Variants in RASEF observed in about 807,000 individuals in gnomAD.
The protein encoded by RASEF is ras and EF-hand domain-containing protein.
Under a neutral mutation model 90.1 loss-of-function variants are expected in RASEF, and 68 were observed. The observed-to-expected ratio is 0.75, with a 90% CI of 0.62 to 0.92. RASEF has a LOEUF of 0.92. Ranked by LOEUF, RASEF falls within the 40% of genes least tolerant of loss-of-function variation. RASEF has a pLI of 0.00. For synonymous variants in RASEF, 331 were observed against 345.2 expected (o/e 0.96, Z 0.46); for missense variants, 949 against 937.2 (o/e 1.01, Z -0.16).
chr9:83,011,647 G>A (rs1829249348), intron 5 of RASEF, among the ~76,000 whole-genome samples: 1 of 143,166 alleles, frequency 7.0e-6, no homozygotes, highest in Non-Finnish European at 1.5e-5. Flanking sequence ...GCATTGGAAA[G>A]ACTAAATAAG....
chr9:83,019,467 A>C (rs937847173), intron 3 of RASEF, among the ~76,000 whole-genome samples: 11 of 152,188 alleles, frequency 7.2e-5, no homozygotes, highest in African/African-American at 2.7e-4. Flanking sequence ...ACTCTCATAC[A>C]CTGCTGATTG....
chr9:83,213,571 C>T, the RASEF span, among the ~76,000 whole-genome samples: 7 of 152,062 alleles, frequency 4.6e-5, no homozygotes, highest in African/African-American at 1.4e-4. Context: ...AAGTCTATAA[C>T]GGAAGTAGCT....
At chr9:83,045,987 C>A (rs1412335953) in intron 1 of RASEF, among the ~76,000 whole-genome samples, 3 of 151,144 alleles carry the variant, frequency 2.0e-5, no homozygotes, top group African/African-American at 7.3e-5. Context: ...ACTAAGCAGC[C>A]ACAACCCTAC....
chr9:83,025,012 C>T (rs1396710177), intron 2 of RASEF, among the ~76,000 whole-genome samples: 2 of 152,158 alleles, frequency 1.3e-5, no homozygotes, highest in Non-Finnish European at 2.9e-5. Context: ...AAGCACAATG[C>T]CCTCTCTTTC....
the RASEF span, among the ~76,000 whole-genome samples, chr9:83,147,950 T>C: frequency 2.6e-5 from 4 of 152,120 alleles, no homozygotes; most frequent in Admixed American, 6.5e-5. Flanking sequence ...GCTGTGCTGC[T>C]CTTCTGTTCC....
At chr9:83,038,721 A>G (rs1213636286) in intron 1 of RASEF, among the ~76,000 whole-genome samples, 5 of 152,214 alleles carry the variant, frequency 3.3e-5, no homozygotes, top group Non-Finnish European at 7.3e-5. Flanking sequence ...ACTAGTACAT[A>G]GGACCACTAT....
intron 4 of RASEF, among the ~76,000 whole-genome samples, chr9:83,014,565 G>C (rs1192646351): frequency 6.6e-6 from 1 of 152,086 alleles, no homozygotes; most frequent in African/African-American, 2.4e-5. Context: ...CAATCCTCCT[G>C]CCTCAGCTTT....
At chr9:83,175,469 G>A in the RASEF span, among the ~76,000 whole-genome samples, 94 of 152,148 alleles carry the variant, frequency 6.2e-4, no homozygotes, top group African/African-American at 2.2e-3. Flanking sequence ...AGTAGTAGTA[G>A]TGTATAATCC....
intron 3 of RASEF, among the ~76,000 whole-genome samples, chr9:83,019,807 G>T (rs1587500202): frequency 6.6e-6 from 1 of 152,142 alleles, no homozygotes; most frequent in African/African-American, 2.4e-5. Context: ...AGTGGAAAAC[G>T]CCAGAGAAGA....
intron 16 of RASEF, among the ~76,000 whole-genome samples, chr9:82,989,974 A>T (rs1173245502): frequency 1.3e-5 from 2 of 152,232 alleles, no homozygotes; most frequent in Non-Finnish European, 2.9e-5. Context: ...TTACCTGGGT[A>T]ATAATTCTGA....
chr9:83,035,140 C>T (rs142877029), intron 1 of RASEF, among the ~76,000 whole-genome samples: 1 of 152,248 alleles, frequency 6.6e-6, no homozygotes, highest in African/African-American at 2.4e-5. Context: ...TGTTCAAGGT[C>T]AGTCTGCAAA....
At chr9:83,155,722 T>A in the RASEF span, among the ~76,000 whole-genome samples, 1 of 152,220 alleles carries the variant, frequency 6.6e-6, no homozygotes, top group Admixed American at 6.5e-5. Context: ...CATTTAGAGC[T>A]TGAATGGGTT....
At chr9:83,102,668 G>T in the RASEF span, among the ~76,000 whole-genome samples, 10 of 152,186 alleles carry the variant, frequency 6.6e-5, no homozygotes, top group Non-Finnish European at 1.2e-4. Flanking sequence ...CTTCAATGTG[G>T]TTCCCACTGG....
Position 83,005,953 on chromosome 9 carries a change from G to A in RASEF, c.1029-453C>T, listed in dbSNP as rs976562854. ...TGGCACTGTTCCACCAGGTACCGTCGTGTAGCAGGTAAACACTTGGGTGAT... is the reference window on the plus strand; with the variant it reads ...TGGCACTGTTCCACCAGGTACCGTCATGTAGCAGGTAAACACTTGGGTGAT... On this transcript the variant is annotated intron_variant, in intron 7 of 16. Coordinates refer to ENST00000376447, the MANE Select transcript of RASEF (RefSeq NM_152573.4). 5.0e-4 allele frequency among the ~76,000 whole-genome samples: 76 copies of A among 152,204 alleles called. 1 individual carries two copies. Among genetic ancestry groups the A allele is most frequent in the Admixed American group, 4.6e-3 (71 of 15,290 alleles).
the RASEF span, among the ~76,000 whole-genome samples, chr9:83,141,320 C>T: frequency 2.0e-5 from 3 of 151,884 alleles, no homozygotes; most frequent in African/African-American, 7.3e-5. Context: ...AGAAAAGCTC[C>T]ATGAGAAAAC....
chr9:83,093,237 C>G, the RASEF span, among the ~76,000 whole-genome samples: 2 of 152,208 alleles, frequency 1.3e-5, no homozygotes, highest in African/African-American at 2.4e-5. Context: ...CTGGCTTCAC[C>G]CGGTGGATCC....
At chr9:83,035,449 G>A (rs1829723286) in intron 1 of RASEF, among the ~76,000 whole-genome samples, 1 of 152,160 alleles carries the variant, frequency 6.6e-6, no homozygotes, top group African/African-American at 2.4e-5. Context: ...TCCACACTCA[G>A]ATGAACAGGC....
chr9:83,142,948 T>A, the RASEF span, among the ~76,000 whole-genome samples: 10 of 152,302 alleles, frequency 6.6e-5, no homozygotes, highest in African/African-American at 1.9e-4. Context: ...TATGATGTTA[T>A]GGGATCCCGA....
chr9:82,994,548 G>C (rs2118408754), intron 14 of RASEF, among the ~76,000 whole-genome samples: 1 of 152,084 alleles, frequency 6.6e-6, no homozygotes, highest in African/African-American at 2.4e-5. Flanking sequence ...CTTTTCATCT[G>C]TCTCCCCCAC....
Sources: gnomAD v4.1 joint callset for allele counts (sites outside exome capture counted in the v4.1 genomes callset) on GRCh38, gnomAD v4.1.1 for gene constraint, MANE v1.5 for transcripts, NCBI Gene and HGNC (gene_info 2026-07-23, HGNC 2026-07-21) for gene names.